The following DENND2B variants were observed in gnomAD, a reference collection of about 807,000 sequenced individuals.
DENND2B encodes the protein DENN domain containing 2B, also known as DENN domain-containing protein 2B.
In DENND2B, 32 loss-of-function variants were observed where a neutral mutation model predicts 116.0. The ratio of observed to expected loss-of-function variants is 0.28; its 90% CI spans 0.21 to 0.37. The LOEUF (loss-of-function observed/expected upper bound fraction) is 0.37. DENND2B is among the 10% of genes least tolerant of loss of function. The probability of loss-of-function intolerance (pLI) is 1.00; values close to 1 mark genes in which losing one functional copy is unlikely to be tolerated. For synonymous variants in DENND2B, 588 were observed against 583.9 expected, an observed-to-expected ratio of 1.01 and a Z score of -0.10; for missense variants, 1,276 against 1,477.7, an observed-to-expected ratio of 0.86 and a Z score of 2.24.
chr11:8,828,070 C>T (rs542059871), intron 4 of DENND2B, among the ~76,000 whole-genome samples: 7 of 152,224 alleles, frequency 4.6e-5, no homozygotes, highest in Non-Finnish European at 8.8e-5. Flanking sequence ...TGGGATGGAC[C>T]CCAAGGCCAA....
intron 1 of DENND2B, among the ~76,000 whole-genome samples, chr11:8,779,293 G>A (rs924157193): frequency 6.6e-6 from 1 of 152,152 alleles, no homozygotes; most frequent in Non-Finnish European, 1.5e-5. Flanking sequence ...ATGACTCAAG[G>A]TCCCAAGGCA....
intron 5 of DENND2B, 58 bp from the exon 6 acceptor site, chr11:8,715,876 C>T (rs781387242): frequency 6.7e-7 from 1 of 1,499,412 alleles, no homozygotes; most frequent in Non-Finnish European, 9.0e-7. Context: ...TGGCCAGTGT[C>T]TGTCTGCTGG....
intron 1 of DENND2B, among the ~76,000 whole-genome samples, chr11:8,807,353 G>A (rs369660575): frequency 1.3e-5 from 2 of 152,170 alleles, no homozygotes; most frequent in Non-Finnish European, 2.9e-5. Flanking sequence ...TGGACCTCCC[G>A]TAATGCAGTT....
In DENND2B at chr11:8,715,798, G is replaced by A. The variant is rs1220608028; in HGVS notation, c.1650C>T (p.Ser550=). Residue 550 remains serine, a synonymous_variant, in exon 6 of 20, where the codon AGC becomes AGT. Transcript: ENST00000313726. ...PPTQLSLKPN[S]QSLRSGNWSE... is the part of the protein sequence containing the mutation. ...ACCAGTTCCCACTGCGCAGGGACTG[G>A]CTGTTGGGTTTCAGGGAAAGCTGGC... The A allele has an allele frequency of 4.4e-6, 7 of 1,603,534 alleles. No homozygotes were observed. In the Admixed American group the frequency reaches 5.0e-5, roughly 12 times the overall value.
chr11:8,748,294 G>A (rs1299611618), intron 2 of DENND2B, among the ~76,000 whole-genome samples: 1 of 152,194 alleles, frequency 6.6e-6, no homozygotes, highest in Non-Finnish European at 1.5e-5. Context: ...AGAAACTCAG[G>A]TGCCAAGATC....
intron 3 of DENND2B, 157 bp from the exon 4 acceptor site, chr11:8,726,366 G>A (rs1407830700): frequency 1.1e-6 from 1 of 950,112 alleles, no homozygotes; most frequent in Non-Finnish European, 1.5e-6. Flanking sequence ...TCCAAATGAA[G>A]AGACAGATGG....
chr11:8,708,281 G>A (rs762737656), intron 11 of DENND2B: 4 of 985,310 alleles, frequency 4.1e-6, no homozygotes, highest in Admixed American at 6.2e-5. Flanking sequence ...GGGCACATTC[G>A]GCATACCATT....
chr11:8,828,424 G>C (rs2062062244), intron 4 of DENND2B, among the ~76,000 whole-genome samples: 1 of 152,218 alleles, frequency 6.6e-6, no homozygotes, highest in African/African-American at 2.4e-5. Context: ...GTCTTCAGGG[G>C]CTCCAATGCA....
chr11:8,773,583 C>A (rs1332737843), intron 1 of DENND2B, among the ~76,000 whole-genome samples: 1 of 152,298 alleles, frequency 6.6e-6, no homozygotes, highest in Non-Finnish European at 1.5e-5. Context: ...GAAAGTGGGG[C>A]ATTTGACTCT....
intron 18 of DENND2B, chr11:8,695,828 A>C: frequency 2.0e-6 from 1 of 489,930 alleles, no homozygotes. Flanking sequence ...AGCTGCCCCA[A>C]GTGGACATCT....
At chr11:8,881,762 C>T (rs1430168539) in intron 1 of DENND2B, among the ~76,000 whole-genome samples, 3 of 152,090 alleles carry the variant, frequency 2.0e-5, no homozygotes, top group Non-Finnish European at 4.4e-5. Context: ...GCTGGTCTTG[C>T]ACTTCTGACC....
intron 1 of DENND2B, chr11:8,909,638 A>T (rs969258388): frequency 6.6e-6 from 1 of 152,220 alleles, no homozygotes; most frequent in Non-Finnish European, 1.5e-5. Flanking sequence ...TCATCTCAAG[A>T]ATAATGTAGG....
chr11:8,734,860 C>T (rs1306336401), intron 2 of DENND2B, among the ~76,000 whole-genome samples: 2 of 151,566 alleles, frequency 1.3e-5, no homozygotes, highest in Admixed American at 6.6e-5. Flanking sequence ...GTACCTGTCG[C>T]GCATTGAGCT....
intron 1 of DENND2B, among the ~76,000 whole-genome samples, chr11:8,781,358 G>A (rs906610421): frequency 4.6e-5 from 7 of 152,102 alleles, no homozygotes; most frequent in Non-Finnish European, 1.0e-4. Context: ...TTGGGAGGAG[G>A]TGAGGTGGCT....
At position 8,836,413 on chromosome 11, in the gene DENND2B, C is replaced by CTTT. The variant is rs67181023; in HGVS notation, c.-115+2894_-115+2896dup. Among the ~76,000 whole-genome samples, 205 of 77,512 alleles carry CTTT rather than the reference C, an allele frequency of 2.6e-3. 4 individuals carry two copies. The highest frequency in any genetic ancestry group is 9.5e-3 in the East Asian group (21 of 2,216). 50.9% of individuals were successfully genotyped at this position (77,512 alleles called of 152,430 possible). On this transcript the variant is annotated intron_variant, in intron 4 of 6. Transcript: ENST00000524757. ...CAAAGACAAGCATCCTTCTGTACTT[C>CTTT]TTTTTTTTTTTTTTTTTTTTTTTTC... is the stretch of plus-strand genomic sequence containing the variant.
intron 3 of DENND2B, among the ~76,000 whole-genome samples, chr11:8,846,639 CT>C (rs2062824341): frequency 6.6e-6 from 1 of 152,220 alleles, no homozygotes; most frequent in African/African-American, 2.4e-5. Flanking sequence ...AGTCCCCTTT[CT>C]CGTTCTCTTC....
chr11:8,724,562 G>A (rs931807383), intron 4 of DENND2B, among the ~76,000 whole-genome samples: 2 of 152,058 alleles, frequency 1.3e-5, no homozygotes, highest in South Asian at 2.1e-4. Flanking sequence ...TGAAATGAAC[G>A]CCAAAAAACA....
In DENND2B at chr11:8,730,442, C is replaced by A. The variant is rs2047929353; in HGVS notation, c.848G>T (p.Ser283Ile). 1.9e-6 allele frequency: 3 copies of A among 1,610,076 alleles called. No individual in the cohort carries two copies. The highest frequency in any genetic ancestry group is 2.5e-6 in the Non-Finnish European group (3 of 1,180,008). ...GACCTGTTCAATTTTCTGGATCCGG[C>A]TCAGCACTGCTGAGCTCTCCTTCCT... is the stretch of plus-strand genomic sequence containing the variant. Reference protein sequence around the residue: ...GSRKESSAVLSRIQKIEQVLK... With the variant: ...GSRKESSAVLIRIQKIEQVLK... The change falls in exon 3 of 20, where the codon AGC becomes ATC. Residue 283 changes from serine to isoleucine, a missense_variant. Ser to Ile is a moderately radical substitution (Grantham distance 142). Around this residue, in one of 2 missense-constraint regions of DENND2B, gnomAD observed 856 missense variants for 846.6 expected, o/e 1.01. Transcript: ENST00000313726. This position sits in a 1 kb window ranked among gnomAD's most constrained non-coding sequence, Gnocchi z 4.1.
At position 8,900,386 on chromosome 11, in the gene DENND2B, G is replaced by C. The variant is rs1287845804; in HGVS notation, c.-256+10435C>G. Among the ~76,000 whole-genome samples, 3 of 147,344 alleles carry C rather than the reference G, an allele frequency of 2.0e-5. No homozygotes were observed. In the South Asian group the frequency reaches 6.5e-4, roughly 32 times the overall value. On this transcript the variant is annotated intron_variant, in intron 1 of 22. Coordinates refer to the DENND2B transcript ENST00000534127. ...GGTGGAGCTTGCAGTGCCCAAGGTC[G>C]TGCCACTGCACTCCAGCCTGGGCGA...
Sources: gnomAD v4.1 joint callset for allele counts (sites outside exome capture counted in the v4.1 genomes callset) on GRCh38, gnomAD v4.1.1 for gene constraint, gnomAD v4.1.1 regional missense constraint, Gnocchi (gnomAD v3.1) non-coding constraint, MANE v1.5 for transcripts, NCBI Gene and HGNC (gene_info 2026-07-23, HGNC 2026-07-21) for gene names.